Variants in ZNF69 observed in about 807,000 individuals in gnomAD.
The protein encoded by ZNF69 is zinc finger protein 69.
A neutral mutation model predicts 50.9 loss-of-function variants in ZNF69; 47 were observed. The observed-to-expected ratio is 0.92, with a 90% CI of 0.73 to 1.18. The LOEUF (loss-of-function observed/expected upper bound fraction) is 1.18, where lower values mean the gene tolerates loss of function less well. ZNF69 is among the 50% of genes most tolerant of loss of function. The pLI, the probability that ZNF69 is intolerant of heterozygous loss-of-function variation, is 0.00. For synonymous variants in ZNF69, 216 were observed against 223.1 expected (o/e 0.97, Z 0.29); for missense variants, 717 against 675.1 (o/e 1.06, Z -0.69).
At chr19:11,949,703 G>A in the ZNF69 span, 1 of 1,613,980 alleles carries the variant, frequency 6.2e-7, no homozygotes. Flanking sequence ...ACTCACACTG[G>A]AGAGAAACCC....
At chr19:11,916,029 C>T (rs146962577), downstream of ZNF69, among the ~76,000 whole-genome samples, 187 of 152,294 alleles carry the variant, frequency 1.2e-3, no homozygotes, top group African/African-American at 4.3e-3. Flanking sequence ...CTCAGAGCCC[C>T]GGAAAGCTAG....
At chr19:11,923,646 C>G in the ZNF69 span, among the ~76,000 whole-genome samples, 1 of 152,242 alleles carries the variant, frequency 6.6e-6, no homozygotes, top group Admixed American at 6.5e-5. Context: ...CCACCGCGAT[C>G]TGGAAGTCTT....
the ZNF69 span, chr19:11,947,608 T>G: frequency 6.4e-7 from 1 of 1,563,898 alleles, no homozygotes; most frequent in Admixed American, 1.7e-5. Flanking sequence ...GCAGTGTCTC[T>G]CTGCACAATC....
intron 1 of ZNF69, among the ~76,000 whole-genome samples, chr19:11,890,187 T>G (rs917366460): frequency 5.3e-5 from 8 of 152,112 alleles, no homozygotes; most frequent in African/African-American, 1.7e-4. Flanking sequence ...CACAGACCCT[T>G]TAGGGGTGTC....
the ZNF69 span, among the ~76,000 whole-genome samples, chr19:11,931,404 A>G: frequency 4.7e-5 from 7 of 148,114 alleles, no homozygotes; most frequent in East Asian, 1.4e-3. Flanking sequence ...ATTTACTCCT[A>G]TGCTCTCATC....
At position 11,906,091 on chromosome 19, in the gene ZNF69, A is replaced by G; in HGVS notation, c.1694A>G (p.Lys565Arg). Residue 565 changes from lysine to arginine, a missense_variant, in exon 4 of 4, where the codon AAG becomes AGG. Physicochemically the swap from Lys to Arg is conservative, Grantham distance 26. Transcript: ENST00000429654. ...CCTGAAGATAAACCCTATGAGTGTA[A>G]GCAATGAGGGAAAGCCTTCAGATCT... ...THPEDKPYEC[K>R]Q The G allele has an allele frequency of 6.2e-7, 1 of 1,610,804 alleles. No homozygotes were observed.
downstream of ZNF69, among the ~76,000 whole-genome samples, chr19:11,908,870 A>G (rs990913047): frequency 1.3e-5 from 2 of 152,192 alleles, no homozygotes; most frequent in Non-Finnish European, 2.9e-5. Context: ...TCAAAAAATC[A>G]GTGAATCCAG....
At chr19:11,972,024 T>C in the ZNF69 span, among the ~76,000 whole-genome samples, 1 of 150,806 alleles carries the variant, frequency 6.6e-6, no homozygotes, top group Non-Finnish European at 1.5e-5. Flanking sequence ...ATGGTGTCAT[T>C]GCACTCCAGC....
chr19:11,903,063 G>C (rs1025868845), intron 1 of ZNF69, among the ~76,000 whole-genome samples: 34 of 152,144 alleles, frequency 2.2e-4, no homozygotes, highest in African/African-American at 7.0e-4. Flanking sequence ...CATGAACCCA[G>C]GAGTAAGAGG....
the ZNF69 span, among the ~76,000 whole-genome samples, chr19:11,963,959 C>G: frequency 1.3e-5 from 2 of 152,240 alleles, no homozygotes; most frequent in Admixed American, 6.5e-5. Context: ...TAGAATTTTC[C>G]TCGCCCATTT....
At chr19:11,922,091 C>T in the ZNF69 span, among the ~76,000 whole-genome samples, 34 of 151,902 alleles carry the variant, frequency 2.2e-4, no homozygotes, top group African/African-American at 7.0e-4. Context: ...GGAATGGGCT[C>T]CAGACACCCC....
rs766947190 is a variant in ZNF69 at position 11,903,692 on chromosome 19, C to G, written c.183C>G (p.Thr61=). 1 of 1,613,916 alleles carries G rather than the reference C, an allele frequency of 6.2e-7. No individual in the cohort carries two copies. Among genetic ancestry groups the G allele is most frequent in the African/African-American group, 1.3e-5 (1 of 74,930 alleles). The part of the protein sequence containing the change: ...EVMLETFRNL[T]SVGKSWKDQN... ...TGCTGGAAACTTTCAGGAACCTGACCTCTGTAGGTAAGGATGACATATTCC... is the reference window on the plus strand; with the variant it reads ...TGCTGGAAACTTTCAGGAACCTGACGTCTGTAGGTAAGGATGACATATTCC... The change falls in exon 2 of 4, where the codon ACC becomes ACG. Residue 61 remains threonine, a synonymous_variant. Coordinates refer to ENST00000429654, the MANE Select transcript of ZNF69 (RefSeq NM_001364730.1).
chr19:11,965,915 G>A, the ZNF69 span, among the ~76,000 whole-genome samples: 1 of 152,162 alleles, frequency 6.6e-6, no homozygotes, highest in African/African-American at 2.4e-5. Context: ...GGCGGGACCT[G>A]TGGAAGGGGG....
At chr19:11,892,474 G>A (rs1165224420) in intron 1 of ZNF69, among the ~76,000 whole-genome samples, 1 of 152,078 alleles carries the variant, frequency 6.6e-6, no homozygotes, top group African/African-American at 2.4e-5. Context: ...GTAGTGAAGA[G>A]GGGCCCAGTG....
At chr19:11,902,934 T>G (rs1444941929) in intron 1 of ZNF69, among the ~76,000 whole-genome samples, 1 of 152,196 alleles carries the variant, frequency 6.6e-6, no homozygotes, top group Non-Finnish European at 1.5e-5. Context: ...ACATTTCCTA[T>G]CCTGCTGTGG....
At position 11,903,624 on chromosome 19, in the gene ZNF69, G is replaced by C. The variant is rs975225062; in HGVS notation, c.115G>C (p.Ala39Pro). 1 of 1,614,144 alleles carries C rather than the reference G, an allele frequency of 6.2e-7. No homozygotes were observed. The highest frequency in any genetic ancestry group is 2.2e-5 in the East Asian group (1 of 44,880). ...TGTGAACTTCACCCAGGAGGAGTGG[G>C]CTTTGCTGGATATTTCCCAGAGGAA... is the stretch of plus-strand genomic sequence containing the variant. Reference protein sequence around the residue: ...VAVNFTQEEWALLDISQRKLY... With the variant: ...VAVNFTQEEWPLLDISQRKLY... The change falls in exon 2 of 4, where the codon GCT becomes CCT. Residue 39 changes from alanine (A) to proline (P), a missense_variant. Ala to Pro is a conservative substitution (Grantham distance 27). Coordinates refer to ENST00000429654, the MANE Select transcript of ZNF69 (RefSeq NM_001364730.1).
chr19:11,979,087 C>T, the ZNF69 span: 38 of 1,613,910 alleles, frequency 2.4e-5, no homozygotes, highest in African/African-American at 2.7e-5. Context: ...CCTAAGAATG[C>T]GCTCTGGAGA....
chr19:11,967,815 G>A, the ZNF69 span, among the ~76,000 whole-genome samples: 3 of 152,250 alleles, frequency 2.0e-5, no homozygotes, highest in Non-Finnish European at 4.4e-5. Context: ...TTTTTGTTAT[G>A]TAGGGGTCTT....
chr19:11,950,164 A>G, the ZNF69 span: 1 of 1,613,944 alleles, frequency 6.2e-7, no homozygotes. Flanking sequence ...AAAAGCATTC[A>G]ATTATTTTTC....
Sources: gnomAD v4.1 joint callset for allele counts (sites outside exome capture counted in the v4.1 genomes callset) on GRCh38, gnomAD v4.1.1 for gene constraint, MANE v1.5 for transcripts, NCBI Gene and HGNC (gene_info 2026-07-23, HGNC 2026-07-21) for gene names.